The following DNM1 variants were observed in gnomAD, a reference collection of about 807,000 sequenced individuals.
The protein encoded by DNM1 is dynamin 1.
DNM1 carries 29 observed loss-of-function variants against 104.6 expected under a neutral mutation model. The ratio of observed to expected loss-of-function variants is 0.28; its 90% CI spans 0.21 to 0.38. DNM1 has a LOEUF of 0.38. Ranked by LOEUF, DNM1 falls within the 10% of genes least tolerant of loss-of-function variation. DNM1 has a pLI of 1.00. For missense variants in DNM1, 640 were observed against 1,189.4 expected, an observed-to-expected ratio of 0.54 and a Z score of 6.79; for synonymous variants, 445 against 475.8, an observed-to-expected ratio of 0.94 and a Z score of 0.84.
In DNM1 at chr9:128,239,437, C is replaced by A. The variant is rs555786484; in HGVS notation, c.1423-8C>A. 2.9e-5 allele frequency: 47 copies of A among 1,613,208 alleles called. 1 individual carries two copies. In the African/African-American group the frequency reaches 3.7e-4, roughly 13 times the overall value. On this transcript the variant is annotated splice_region_variant and splice_polypyrimidine_tract_variant and intron_variant, in intron 11 of 21. Transcript: ENST00000372923. ...TGCGCTTGCCCACCAACCTATGTAT[C>A]CTTGAAGGTCATGCTTCTCATCGAT... is the stretch of plus-strand genomic sequence containing the variant.
At chr9:128,230,555 ATTC>A (rs1835623685) in intron 10 of DNM1, among the ~76,000 whole-genome samples, 1 of 151,232 alleles carries the variant, frequency 6.6e-6, no homozygotes, top group Non-Finnish European at 1.5e-5. Context: ...GGTTCAAGCA[ATTC>A]TTCTGCCTCA....
intron 21 of DNM1, chr9:128,252,861 T>C (rs1165622862): frequency 5.8e-6 from 4 of 683,906 alleles, no homozygotes; most frequent in Non-Finnish European, 1.1e-5. Context: ...AGTGGCTGCA[T>C]GCCCCAGATC....
intron 10 of DNM1, chr9:128,232,232 C>G (rs531504493): frequency 6.0e-5 from 21 of 352,584 alleles, no homozygotes; most frequent in South Asian, 4.2e-4. Context: ...GGGACCACCT[C>G]AGAGGAGGCC....
intron 1 of DNM1, among the ~76,000 whole-genome samples, chr9:128,211,505 A>C (rs1352688055): frequency 8.5e-6 from 1 of 117,872 alleles, no homozygotes; most frequent in Non-Finnish European, 1.7e-5. Context: ...TTTTCTGTAC[A>C]GACAGGGTCT....
At chr9:128,244,257 C>T (rs1050248106) in intron 15 of DNM1, among the ~76,000 whole-genome samples, 25 of 151,058 alleles carry the variant, frequency 1.7e-4, no homozygotes, top group African/African-American at 5.9e-4. Context: ...GGTGTGTGTG[C>T]ATGCACTTGT....
chr9:128,226,192 C>T (rs781317996), intron 10 of DNM1: 28 of 1,612,274 alleles, frequency 1.7e-5, no homozygotes, highest in Middle Eastern at 1.7e-4. Flanking sequence ...GCCGCCTGGG[C>T]GGGGCTGGGC....
chr9:128,229,830 T>C (rs1258896322), intron 10 of DNM1, among the ~76,000 whole-genome samples: 1 of 151,936 alleles, frequency 6.6e-6, no homozygotes, highest in Non-Finnish European at 1.5e-5. Context: ...GGAGAATCAC[T>C]TGAACCTGGA....
chr9:128,233,975 C>T (rs762263324), intron 10 of DNM1, 46 bp from the exon 11 acceptor site: 26 of 1,528,996 alleles, frequency 1.7e-5, no homozygotes, highest in African/African-American at 6.9e-5. Context: ...GCTCCCTGCC[C>T]GTGCCCTCTG....
At chr9:128,219,901 G>A (rs150891391) in intron 4 of DNM1, 87 bp from the exon 5 acceptor site, 185 of 1,071,930 alleles carry the variant, frequency 1.7e-4, no homozygotes, top group Middle Eastern at 5.3e-4. Flanking sequence ...GGGGGCCGAG[G>A]AGAGCAGGGG....
intron 11 of DNM1, among the ~76,000 whole-genome samples, chr9:128,238,765 C>T (rs1314512972): frequency 6.6e-6 from 1 of 151,638 alleles, no homozygotes; most frequent in Non-Finnish European, 1.5e-5. Context: ...ACACCATTCT[C>T]CTGCCTCAGC....
intron 21 of DNM1, chr9:128,252,200 G>A: frequency 4.1e-6 from 1 of 243,594 alleles, no homozygotes; most frequent in African/African-American, 2.3e-5. Flanking sequence ...GTTAACTGCA[G>A]ATGCAGCCGT....
Position 128,218,549 on chromosome 9 carries a change from C to CT in DNM1, c.236-32dup, listed in dbSNP as rs1413569892. On this transcript the variant is annotated intron_variant, in intron 2 of 21. Transcript: ENST00000372923. This position sits in a 1 kb window ranked among gnomAD's most constrained non-coding sequence, Gnocchi z 4.8. ...CAGGTGGGGTTCCAGACCTTGATGC[C>CT]TACTGCCCTTCCCCTGCCCGCTTCT... 6.3e-7 allele frequency: 1 copy of CT among 1,594,080 alleles called. No homozygotes were observed. The highest frequency in any genetic ancestry group is 1.7e-5 in the Admixed American group (1 of 58,918).
intron 10 of DNM1, chr9:128,232,470 G>C (rs1210687739): frequency 6.1e-6 from 1 of 162,880 alleles, no homozygotes; most frequent in African/African-American, 2.4e-5. Flanking sequence ...CATCCCTCGT[G>C]TTGGCATCCT....
In DNM1 at chr9:128,218,864, C is replaced by T; in HGVS notation, c.385+133C>T. 2.9e-6 allele frequency: 4 copies of T among 1,368,142 alleles called. No homozygotes were observed. Among genetic ancestry groups the T allele is most frequent in the Non-Finnish European group, 3.9e-6 (4 of 1,019,746 alleles). The allele number at this position is 1,368,142 out of a possible 1,614,324, so 84.8% of individuals were successfully genotyped here. On this transcript the variant is annotated intron_variant, in intron 3 of 21. Coordinates refer to ENST00000372923, the MANE Select transcript of DNM1 (RefSeq NM_004408.4). This position sits in a 1 kb window ranked among gnomAD's most constrained non-coding sequence, Gnocchi z 4.8. Reference sequence around the variant, plus strand: ...TGCATCATCCTATTCCAAGCTCCACCCTGCCGTGATTCCGCCCACTTCCGG... The same window carrying T: ...TGCATCATCCTATTCCAAGCTCCACTCTGCCGTGATTCCGCCCACTTCCGG...
chr9:128,224,119 C>A lies in DNM1; in HGVS notation c.1197-132C>A. 1.7e-6 allele frequency: 2 copies of A among 1,182,828 alleles called. No homozygotes were observed. The highest frequency in any genetic ancestry group is 2.3e-6 in the Non-Finnish European group (2 of 865,644). 73.3% of individuals were successfully genotyped at this position (1,182,828 alleles called of 1,614,324 possible). ...CCCTCCCATTTTACAACTGGGGACACTGAGGCCCAGAGAGGGGTAGTGGAA... is the reference window on the plus strand; with the variant it reads ...CCCTCCCATTTTACAACTGGGGACAATGAGGCCCAGAGAGGGGTAGTGGAA... On this transcript the variant is annotated intron_variant, in intron 9 of 21. Coordinates refer to ENST00000372923, the MANE Select transcript of DNM1 (RefSeq NM_004408.4). This position sits in a 1 kb window ranked among gnomAD's most constrained non-coding sequence, Gnocchi z 4.3.
intron 1 of DNM1, among the ~76,000 whole-genome samples, chr9:128,205,887 C>T (rs1192559789): frequency 2.0e-5 from 3 of 152,162 alleles, no homozygotes; most frequent in Non-Finnish European, 1.5e-5. Flanking sequence ...AGGCCTGGGC[C>T]CTCTGGCTGC....
chr9:128,230,671 C>T (rs1275239194), intron 10 of DNM1, among the ~76,000 whole-genome samples: 2 of 151,962 alleles, frequency 1.3e-5, no homozygotes, highest in African/African-American at 2.4e-5. Flanking sequence ...ACGCTAGTCT[C>T]GAACTCCTGA....
rs1836758511 is a variant in DNM1, at chr9:128,245,716, C to T, written c.1672-678C>T. The stretch of plus-strand genomic sequence containing the variant: ...CATGTAGGCTCGCACAATTGCCACA[C>T]ACATCCACAAAGTGTGCACACATCC... On this transcript the variant is annotated intron_variant, in intron 15 of 21. Coordinates refer to ENST00000372923, the MANE Select transcript of DNM1 (RefSeq NM_004408.4). This position sits in a 1 kb window ranked among gnomAD's most constrained non-coding sequence, Gnocchi z 5.2. 6.6e-6 allele frequency among the ~76,000 whole-genome samples: 1 copy of T among 152,234 alleles called. No homozygotes were observed. The highest frequency in any genetic ancestry group is 1.9e-4 in the East Asian group (1 of 5,202).
In DNM1 at chr9:128,220,473, C is replaced by A; in HGVS notation, c.849+132C>A. On this transcript the variant is annotated intron_variant, in intron 6 of 21. Coordinates refer to ENST00000372923, the MANE Select transcript of DNM1 (RefSeq NM_004408.4). The surrounding 1 kb of genome is among the most constrained non-coding windows in gnomAD (Gnocchi z 5.2). Reference sequence around the variant, plus strand: ...ATAGACAAACTGAGCCTCAGAAAAGCAAAGCAACTTGCCCACAGCCCCACA... The same window carrying A: ...ATAGACAAACTGAGCCTCAGAAAAGAAAAGCAACTTGCCCACAGCCCCACA... 8.4e-7 allele frequency: 1 copy of A among 1,196,256 alleles called. No homozygotes were observed. The highest frequency in any genetic ancestry group is 1.2e-6 in the Non-Finnish European group (1 of 862,712). 74.1% of individuals were successfully genotyped at this position (1,196,256 alleles called of 1,614,324 possible).
Sources: allele counts gnomAD v4.1 joint callset (sites outside exome capture counted in the v4.1 genomes callset), GRCh38; gene constraint gnomAD v4.1.1; non-coding constraint Gnocchi (gnomAD v3.1); transcripts MANE v1.5; gene names NCBI Gene and HGNC (gene_info 2026-07-23, HGNC 2026-07-21).